SMIM14: variants seen among roughly 807,000 people sequenced by gnomAD.
The protein encoded by SMIM14 is chromosome 4 open reading frame 34.
A neutral mutation model predicts 12.6 loss-of-function variants in SMIM14; 5 were observed. The observed-to-expected ratio is 0.40, with a 90% CI of 0.21 to 0.83. SMIM14 has a LOEUF of 0.83. SMIM14 is among the 40% of genes least tolerant of loss of function. SMIM14 has a pLI of 0.37. For missense variants in SMIM14, 86 were observed against 119.1 expected, an observed-to-expected ratio of 0.72 and a Z score of 1.29; for synonymous variants, 30 against 40.1, an observed-to-expected ratio of 0.75 and a Z score of 0.95.
intron 1 of SMIM14, among the ~76,000 whole-genome samples, chr4:39,628,388 A>G (rs939038617): frequency 4.0e-5 from 6 of 151,858 alleles, no homozygotes; most frequent in African/African-American, 1.5e-4. Flanking sequence ...AAATCAGGAA[A>G]ATGTGACCAG....
Position 39,547,979 on chromosome 4 carries a change from C to T in SMIM14, c.*4147G>A, listed in dbSNP as rs964741253. ...GGAGTGCAATGGCGTGATCTTGGCT[C>T]ACTGCAACCTCCACCTCCCAGGTTC... On this transcript the variant is annotated 3_prime_UTR_variant, in exon 5 of 5. Coordinates refer to ENST00000295958, the MANE Select transcript of SMIM14 (RefSeq NM_174921.3). The T allele has an allele frequency of 6.7e-6, 1 of 150,348 alleles. No homozygotes were observed. The highest frequency in any genetic ancestry group is 1.9e-4 in the East Asian group (1 of 5,148). 9.3% of individuals were successfully genotyped at this position (150,348 alleles called of 1,614,324 possible). A position where few individuals can be genotyped will look rare whatever the true frequency, so the allele number is the denominator to read the frequency against.
intron 2 of SMIM14, chr4:39,593,299 A>G (rs981746745): frequency 6.6e-6 from 1 of 152,238 alleles, no homozygotes; most frequent in Non-Finnish European, 1.5e-5. Flanking sequence ...CCAAAGACAA[A>G]AACCACATGA....
chr4:39,594,526 T>C (rs1446294790), intron 2 of SMIM14: 3 of 148,090 alleles, frequency 2.0e-5, no homozygotes, highest in African/African-American at 5.0e-5. Context: ...CCAAAAGCAA[T>C]GGCAACAAAA....
chr4:39,558,381 T>C lies in SMIM14; in HGVS notation c.125-1811A>G, dbSNP rs1712119742. On this transcript the variant is annotated intron_variant, in intron 3 of 4. Coordinates refer to ENST00000295958, the MANE Select transcript of SMIM14 (RefSeq NM_174921.3). This position sits in a 1 kb window ranked among gnomAD's most constrained non-coding sequence, Gnocchi z 4.3. Reference sequence around the variant, plus strand: ...ACAGTTAAGGCTGGGCCCCTAGAAGTGCTTGCCTGAAAAATCACAGCTGCT... The same window carrying C: ...ACAGTTAAGGCTGGGCCCCTAGAAGCGCTTGCCTGAAAAATCACAGCTGCT... Among the ~76,000 whole-genome samples the C allele has an allele frequency of 6.6e-6, 1 of 152,184 alleles. No individual in the cohort carries two copies. Among genetic ancestry groups the C allele is most frequent in the Non-Finnish European group, 1.5e-5 (1 of 68,036 alleles).
At chr4:39,565,254 A>G (rs1199936429) in intron 3 of SMIM14, among the ~76,000 whole-genome samples, 2 of 152,202 alleles carry the variant, frequency 1.3e-5, no homozygotes, top group Admixed American at 6.5e-5. Flanking sequence ...CAAAAGAGTA[A>G]CAGGATTCAG....
intron 1 of SMIM14, among the ~76,000 whole-genome samples, chr4:39,632,353 G>A (rs927790031): frequency 2.0e-4 from 30 of 151,776 alleles, no homozygotes; most frequent in Admixed American, 6.6e-4. Context: ...GGTGGCACGC[G>A]CCTGTAATCT....
intron 2 of SMIM14, among the ~76,000 whole-genome samples, chr4:39,573,664 G>A (rs1359624708): frequency 6.6e-6 from 1 of 152,044 alleles, no homozygotes; most frequent in East Asian, 1.9e-4. Context: ...CTTTGTTAAA[G>A]AGATTTTTCT....
chr4:39,563,582 C>T (rs930985503), intron 3 of SMIM14, among the ~76,000 whole-genome samples: 1 of 152,226 alleles, frequency 6.6e-6, no homozygotes, highest in Non-Finnish European at 1.5e-5. Flanking sequence ...GCCAACTATG[C>T]AAATTCAGTC....
intron 1 of SMIM14, 57 bp from the exon 2 acceptor site, chr4:39,605,237 G>A: frequency 9.1e-6 from 9 of 987,210 alleles, no homozygotes; most frequent in Admixed American, 2.5e-5. Context: ...TCTTTCTCTT[G>A]AGCTATGAAA....
intron 2 of SMIM14, among the ~76,000 whole-genome samples, chr4:39,579,491 T>A (rs947694499): frequency 6.7e-6 from 1 of 149,840 alleles, no homozygotes; most frequent in Non-Finnish European, 1.5e-5. Context: ...CACAGAGATA[T>A]GCTAGGGAAA....
intron 4 of SMIM14, among the ~76,000 whole-genome samples, chr4:39,552,905 C>T (rs868540764): frequency 2.6e-5 from 4 of 152,002 alleles, no homozygotes; most frequent in Non-Finnish European, 4.4e-5. Context: ...ACATGACGCC[C>T]GAGTTGGGGG....
intron 1 of SMIM14, among the ~76,000 whole-genome samples, chr4:39,627,012 G>A (rs961231390): frequency 1.3e-5 from 2 of 152,156 alleles, no homozygotes; most frequent in African/African-American, 4.8e-5. Flanking sequence ...CACGGTTCTG[G>A]AGGCTAGGAA....
chr4:39,582,065 T>G (rs1346159290), intron 2 of SMIM14, among the ~76,000 whole-genome samples: 3 of 151,670 alleles, frequency 2.0e-5, no homozygotes, highest in Non-Finnish European at 4.4e-5. Context: ...GAGACAGGGT[T>G]TCTCCATGTT....
chr4:39,559,088 C>T (rs1712159539), intron 3 of SMIM14, among the ~76,000 whole-genome samples: 1 of 152,220 alleles, frequency 6.6e-6, no homozygotes, highest in African/African-American at 2.4e-5. Flanking sequence ...AGAGCTTTCT[C>T]CTTTTGCTTA....
At position 39,572,581 on chromosome 4, in the gene SMIM14, G is replaced by A. The variant is rs1712953865; in HGVS notation, c.76-118C>T. 6 of 760,638 alleles carry A rather than the reference G, an allele frequency of 7.9e-6. No individual in the cohort carries two copies. In the South Asian group the frequency reaches 8.8e-5, roughly 11 times the overall value. The allele number at this position is 760,638 out of a possible 1,614,324, so 47.1% of individuals were successfully genotyped here. A position where few individuals can be genotyped will look rare whatever the true frequency, so the allele number is the denominator to read the frequency against. The stretch of plus-strand genomic sequence containing the variant: ...GCTCACGCCTGTAATCCCACACTTT[G>A]GAGGCTGAGGTGGGTGGATTGTTTG... On this transcript the variant is annotated intron_variant, in intron 2 of 4. Transcript: ENST00000295958.
intron 1 of SMIM14, among the ~76,000 whole-genome samples, chr4:39,619,269 T>C (rs1255700704): frequency 8.6e-6 from 1 of 116,166 alleles, no homozygotes; most frequent in African/African-American, 3.4e-5. Context: ...TCAATAAATA[T>C]AATTTATTCT....
chr4:39,603,490 C>A (rs1435514922), intron 2 of SMIM14, among the ~76,000 whole-genome samples: 1 of 151,910 alleles, frequency 6.6e-6, no homozygotes, highest in African/African-American at 2.4e-5. Context: ...ACCTGGGAGG[C>A]GGAGCTTGCA....
chr4:39,576,757 C>T (rs374855562), intron 2 of SMIM14, among the ~76,000 whole-genome samples: 2 of 118,716 alleles, frequency 1.7e-5, no homozygotes, highest in African/African-American at 3.2e-5. Context: ...CCTAGGCTGG[C>T]GTGCAGTGCA....
At position 39,627,291 on chromosome 4, in the gene SMIM14, G is replaced by T. The variant is rs891950495; in HGVS notation, c.-36+11448C>A. Among the ~76,000 whole-genome samples the T allele has an allele frequency of 2.6e-5, 4 of 152,200 alleles. 1 individual carries two copies. The highest frequency in any genetic ancestry group is 2.6e-4 in the Admixed American group (4 of 15,276). On this transcript the variant is annotated intron_variant, in intron 1 of 4. Coordinates refer to ENST00000295958, the MANE Select transcript of SMIM14 (RefSeq NM_174921.3). ...GGGAACACAAGCATTCAGACCAAAG[G>T]ACTGTCTTAAACATTACCTTCTCTT...
Sources: allele counts gnomAD v4.1 joint callset (sites outside exome capture counted in the v4.1 genomes callset), GRCh38; gene constraint gnomAD v4.1.1; non-coding constraint Gnocchi (gnomAD v3.1); transcripts MANE v1.5; gene names NCBI Gene and HGNC (gene_info 2026-07-23, HGNC 2026-07-21).